Variants in MGAT4D observed in about 807,000 individuals in gnomAD.
MGAT4D encodes the protein alpha-1,3-mannosyl-glycoprotein 4-beta-N-acetylglucosaminyltransferase-like protein MGAT4D.
Under a neutral mutation model 15.9 loss-of-function variants are expected in MGAT4D, and 34 were observed. That is an observed-to-expected ratio of 2.14 (90% CI 1.62 to 2.84). The LOEUF is 2.84. MGAT4D is among the 30% of genes most tolerant of loss of function. The pLI is 0.00. For missense variants in MGAT4D, 327 were observed against 140.2 expected (o/e 2.33, Z -6.73); for synonymous variants, 112 against 48.2 (o/e 2.33, Z -5.49).
At chr4:140,487,098 A>G (rs955995765) in intron 1 of MGAT4D, among the ~76,000 whole-genome samples, 1 of 152,254 alleles carries the variant, frequency 6.6e-6, no homozygotes, top group Non-Finnish European at 1.5e-5. Context: ...GTTAAAGGAC[A>G]TAATCTCTAA....
chr4:140,474,911 C>T lies in MGAT4D; in HGVS notation c.427G>A (p.Gly143Arg). The T allele has an allele frequency of 1.4e-6, 1 of 697,226 alleles. No homozygotes were observed. The highest frequency in any genetic ancestry group is 2.6e-6 in the Non-Finnish European group (1 of 382,842). 43.2% of individuals were successfully genotyped at this position (697,226 alleles called of 1,614,324 possible). A position where few individuals can be genotyped will look rare whatever the true frequency, so the allele number is the denominator to read the frequency against. Residue 143 changes from glycine (G) to arginine (R), a missense_variant, in exon 4 of 11, where the codon GGA becomes AGA. Gly to Arg is a moderately radical substitution (Grantham distance 125, BLOSUM62 -2). Coordinates refer to ENST00000511113, the MANE Select transcript of MGAT4D (RefSeq NM_001277353.2). ...FALGISTVNR[G>R]NYSYLKQTLT... The stretch of plus-strand genomic sequence containing the variant: ...GTCTGTTTCAGGTAACTATAATTTC[C>T]TCTGTTAACAGTGGAAATACCCAGC...
intron 8 of MGAT4D, chr4:140,457,463 A>T (rs182733856): frequency 2.2e-4 from 34 of 152,102 alleles, no homozygotes; most frequent in Admixed American, 2.1e-3. Flanking sequence ...TAATTTTTTA[A>T]TTTTTTGCAC....
chr4:140,468,317 A>C (rs1731683602), intron 5 of MGAT4D, among the ~76,000 whole-genome samples: 1 of 152,198 alleles, frequency 6.6e-6, no homozygotes, highest in Non-Finnish European at 1.5e-5. Flanking sequence ...TTCTAAAACC[A>C]GTGACATTGT....
intron 4 of MGAT4D, among the ~76,000 whole-genome samples, chr4:140,473,063 G>A (rs4956446): frequency 0.25 from 37,483 of 151,746 alleles, 4,985 homozygotes; most frequent in East Asian, 0.48. Context: ...TATTTATATT[G>A]ATGATATCTT....
intron 5 of MGAT4D, among the ~76,000 whole-genome samples, chr4:140,470,403 G>A (rs11934649): frequency 0.14 from 20,704 of 152,212 alleles, 1,492 homozygotes; most frequent in Admixed American, 0.2. Flanking sequence ...GAGCTATTTG[G>A]TGAGGAAAAA....
chr4:140,452,252 T>A (rs1343948807), intron 9 of MGAT4D, among the ~76,000 whole-genome samples: 1 of 152,078 alleles, frequency 6.6e-6, no homozygotes. Context: ...TTATTTTATA[T>A]ATTTTTATAC....
At chr4:140,484,606 G>A (rs539258576) in intron 1 of MGAT4D, among the ~76,000 whole-genome samples, 8 of 152,200 alleles carry the variant, frequency 5.3e-5, no homozygotes, top group South Asian at 2.1e-4. Context: ...CCATCAGAGC[G>A]AACAGGCAAC....
chr4:140,489,111 G>T lies in MGAT4D; in HGVS notation c.95-6626C>A, dbSNP rs17330336. 3.9e-5 allele frequency among the ~76,000 whole-genome samples: 6 copies of T among 152,094 alleles called. No homozygotes were observed. The South Asian group carries it at 1.2e-3, about 32-fold the overall frequency. ...TGGGGAACGTACGTAAGTCACTCAG[G>T]GGGTAAATAGAAGGGCAAAAGGTAT... On this transcript the variant is annotated intron_variant, in intron 1 of 10. Transcript: ENST00000511113.
chr4:140,486,139 C>T (rs1218345044), intron 1 of MGAT4D, among the ~76,000 whole-genome samples: 3 of 152,096 alleles, frequency 2.0e-5, no homozygotes, highest in Admixed American at 2.0e-4. Flanking sequence ...CCTTGCTGTT[C>T]CTCACACGAG....
intron 8 of MGAT4D, chr4:140,459,120 T>C (rs1357108510): frequency 6.6e-6 from 1 of 152,486 alleles, no homozygotes; most frequent in Non-Finnish European, 1.5e-5. Context: ...TACTGGAAAT[T>C]GCAGCGACTG....
chr4:140,480,730 C>A (rs1732653182), intron 2 of MGAT4D, among the ~76,000 whole-genome samples: 1 of 696 alleles, frequency 1.4e-3, no homozygotes. Context: ...CATCTCTAAA[C>A]ACACACACAC....
intron 1 of MGAT4D, among the ~76,000 whole-genome samples, chr4:140,490,868 T>C (rs1459922844): frequency 6.6e-6 from 1 of 152,256 alleles, no homozygotes; most frequent in African/African-American, 2.4e-5. Flanking sequence ...TTGAATTTTG[T>C]CATATATCCA....
At chr4:140,484,474 T>C (rs1184339605) in intron 1 of MGAT4D, among the ~76,000 whole-genome samples, 3 of 152,112 alleles carry the variant, frequency 2.0e-5, no homozygotes, top group Non-Finnish European at 4.4e-5. Context: ...CTCCTTACCT[T>C]CAGGACATAG....
chr4:140,487,398 C>T (rs1733213549), intron 1 of MGAT4D, among the ~76,000 whole-genome samples: 2 of 152,150 alleles, frequency 1.3e-5, no homozygotes, highest in Non-Finnish European at 2.9e-5. Context: ...CTGATTTGTG[C>T]CTCTCACAGC....
At chr4:140,458,317 A>G (rs1730941356) in intron 8 of MGAT4D, 1 of 85,426 alleles carries the variant, frequency 1.2e-5, no homozygotes, top group African/African-American at 4.1e-5. Flanking sequence ...GTGCATCCAG[A>G]TTTAGTTCAC....
chr4:140,445,965 A>G (rs1453919651), intron 10 of MGAT4D, among the ~76,000 whole-genome samples: 1 of 152,168 alleles, frequency 6.6e-6, no homozygotes, highest in African/African-American at 2.4e-5. Flanking sequence ...GAGATGAATC[A>G]CATTTATTGA....
chr4:140,491,477 G>A (rs989496653), intron 1 of MGAT4D, among the ~76,000 whole-genome samples: 6 of 152,008 alleles, frequency 3.9e-5, no homozygotes, highest in African/African-American at 1.2e-4. Flanking sequence ...AGATGAAAAG[G>A]GGCAGGAGAA....
At chr4:140,490,085 A>G (rs1436782397) in intron 1 of MGAT4D, among the ~76,000 whole-genome samples, 1 of 152,202 alleles carries the variant, frequency 6.6e-6, no homozygotes, top group Non-Finnish European at 1.5e-5. Context: ...CTAAATGTCC[A>G]ATTTCCTGAT....
chr4:140,484,856 C>G (rs1732992938), intron 1 of MGAT4D, among the ~76,000 whole-genome samples: 1 of 152,158 alleles, frequency 6.6e-6, no homozygotes, highest in East Asian at 1.9e-4. Context: ...AATGAGATAC[C>G]ATTTCACACC....
Sources: gnomAD v4.1 joint callset for allele counts (sites outside exome capture counted in the v4.1 genomes callset) on GRCh38, gnomAD v4.1.1 for gene constraint, MANE v1.5 for transcripts, NCBI Gene and HGNC (gene_info 2026-07-23, HGNC 2026-07-21) for gene names.